The following TNNI1 variants were observed in gnomAD, a reference collection of about 807,000 sequenced individuals.
TNNI1 encodes the protein troponin I, slow skeletal muscle.
TNNI1 carries 14 observed loss-of-function variants against 26.7 expected under a neutral mutation model. The ratio of observed to expected loss-of-function variants is 0.52; its 90% CI spans 0.35 to 0.82. TNNI1 has a LOEUF of 0.82. Ranked by LOEUF, TNNI1 falls within the 40% of genes least tolerant of loss-of-function variation. The pLI, the probability that TNNI1 is intolerant of heterozygous loss-of-function variation, is 0.01. For synonymous variants in TNNI1, 79 were observed against 98.2 expected (o/e 0.80, Z 1.16); for missense variants, 164 against 257.0 (o/e 0.64, Z 2.47).
At chr1:201,413,417 A>C (rs1205955371) in intron 5 of TNNI1, among the ~76,000 whole-genome samples, 3 of 77,976 alleles carry the variant, frequency 3.8e-5, no homozygotes, top group Admixed American at 1.5e-4. Context: ...ACAGAGCGAG[A>C]CTCCGTCTCA....
rs1299074123 is a variant in TNNI1 at position 201,417,829 on chromosome 1, A to G, written c.-19-17T>C. The G allele has an allele frequency of 1.5e-6, 2 of 1,312,414 alleles. No homozygotes were observed. Among genetic ancestry groups the G allele is most frequent in the Non-Finnish European group, 2.0e-6 (2 of 1,021,506 alleles). 81.3% of individuals were successfully genotyped at this position (1,312,414 alleles called of 1,614,324 possible). ...AGACAGCACCTAGGGGGCACAGAGG[A>G]ATCATTCATAAGGGAAAGTGGAAAC... On this transcript the variant is annotated splice_polypyrimidine_tract_variant and intron_variant, in intron 1 of 8. Coordinates refer to ENST00000361379, the MANE Select transcript of TNNI1 (RefSeq NM_003281.4).
intron 4 of TNNI1, 61 bp from the exon 5 acceptor site, chr1:201,414,710 G>A: frequency 1.3e-6 from 2 of 1,588,658 alleles, no homozygotes; most frequent in South Asian, 1.2e-5. Flanking sequence ...ATCAGGGAAT[G>A]AGGGGAGGGC....
At chr1:201,421,292 G>T (rs1488797559) in intron 1 of TNNI1, among the ~76,000 whole-genome samples, 2 of 152,038 alleles carry the variant, frequency 1.3e-5, no homozygotes, top group Non-Finnish European at 2.9e-5. Flanking sequence ...ACTCACCCTG[G>T]CTCTCTGATC....
In TNNI1 at chr1:201,415,165, C is replaced by T. The variant is rs762805685; in HGVS notation, c.57+48G>A. 3.3e-6 allele frequency: 5 copies of T among 1,533,514 alleles called. No homozygotes were observed. The Admixed American group carries it at 8.4e-5, about 26-fold the overall frequency. The allele number at this position is 1,533,514 out of a possible 1,614,324, so 95.0% of individuals were successfully genotyped here. On this transcript the variant is annotated intron_variant, in intron 4 of 8. Coordinates refer to ENST00000361379, the MANE Select transcript of TNNI1 (RefSeq NM_003281.4). The stretch of plus-strand genomic sequence containing the variant: ...TCCCTTCAGAGTCTGCTCTGCTGCC[C>T]CTCTGCCTCCCACTGGGCATCCCCC...
intron 1 of TNNI1, among the ~76,000 whole-genome samples, chr1:201,420,898 C>T (rs561201246): frequency 1.3e-5 from 2 of 152,198 alleles, no homozygotes; most frequent in Non-Finnish European, 2.9e-5. Flanking sequence ...GACCGCCACA[C>T]GGCCCCCTGC....
intron 1 of TNNI1, among the ~76,000 whole-genome samples, chr1:201,419,437 G>A (rs112641431): frequency 1.6e-4 from 24 of 152,334 alleles, no homozygotes; most frequent in African/African-American, 4.3e-4. Flanking sequence ...GTGCAGGGGC[G>A]CACAGGAGCC....
chr1:201,420,057 G>A (rs896992736), intron 1 of TNNI1, among the ~76,000 whole-genome samples: 5 of 152,350 alleles, frequency 3.3e-5, no homozygotes, highest in Middle Eastern at 3.4e-3. Context: ...CCAGGTCTGC[G>A]TCTGTCTCCC....
chr1:201,420,323 C>T (rs922564608), intron 1 of TNNI1, among the ~76,000 whole-genome samples: 30 of 152,348 alleles, frequency 2.0e-4, no homozygotes, highest in African/African-American at 6.0e-4. Context: ...GGAAGACAAG[C>T]GAGGACTGAT....
rs1423979985 is a variant in TNNI1, at chr1:201,411,733, G to T, written c.280-200C>A. On this transcript the variant is annotated intron_variant, in intron 6 of 8. Transcript: ENST00000361379. The surrounding 1 kb of genome is among the most constrained non-coding windows in gnomAD (Gnocchi z 4.6). ...GAAGACACTTTTTCCACGGAGAGGT[G>T]GTGGGGTGGTTTCAGGATGAAACTG... 6.6e-6 allele frequency among the ~76,000 whole-genome samples: 1 copy of T among 152,186 alleles called. No homozygotes were observed. Among genetic ancestry groups the T allele is most frequent in the African/African-American group, 2.4e-5 (1 of 41,450 alleles).
Position 201,413,108 on chromosome 1 carries a change from T to C in TNNI1, c.203A>G (p.Glu68Gly), listed in dbSNP as rs771706605. 3 of 1,613,994 alleles carry C rather than the reference T, an allele frequency of 1.9e-6. No homozygotes were observed. The South Asian group carries it at 3.3e-5, about 18-fold the overall frequency. Reference sequence around the variant, plus strand: ...CACCACCTCCACCTTGGCGTGCAGCTCCCGGCACAGGTCCTGGGGGCCGCA... The same window carrying C: ...CACCACCTCCACCTTGGCGTGCAGCCCCCGGCACAGGTCCTGGGGGCCGCA... The part of the protein sequence containing the change: ...SLSALQDLCR[E>G]LHAKVEVVDE... Residue 68 changes from glutamate (E) to glycine (G), a missense_variant, in exon 6 of 9, where the codon GAG becomes GGG. Transcript: ENST00000361379.
rs534320998 is a variant in TNNI1 at position 201,409,071 on chromosome 1, C to A, written c.*182G>T. 1 of 152,122 alleles carries A rather than the reference C, an allele frequency of 6.6e-6. No individual in the cohort carries two copies. Among genetic ancestry groups the A allele is most frequent in the Non-Finnish European group, 1.5e-5 (1 of 68,040 alleles). The allele number at this position is 152,122 out of a possible 1,614,324, so 9.4% of individuals were successfully genotyped here. A position where few individuals can be genotyped will look rare whatever the true frequency, so the allele number is the denominator to read the frequency against. On this transcript the variant is annotated 3_prime_UTR_variant, in exon 9 of 9. Transcript: ENST00000361379. ...CCAGGGTGAGGTCTTCAGACACTCG[C>A]GTTTTTCCTGCCTCTTGGGTATCTG...
rs369682459 is a variant in TNNI1, at chr1:201,419,279, C to T, written c.-19-1467G>A. 2.5e-3 allele frequency among the ~76,000 whole-genome samples: 384 copies of T among 152,322 alleles called. 12 individuals carry two copies. The South Asian group carries it at 0.077, about 30-fold the overall frequency. Reference sequence around the variant, plus strand: ...TGGGGCCCAGGCCAAAGAGGGGGTCCGTGAGGCTGCAGAGGGAGATGTTCC... The same window carrying T: ...TGGGGCCCAGGCCAAAGAGGGGGTCTGTGAGGCTGCAGAGGGAGATGTTCC... On this transcript the variant is annotated intron_variant, in intron 1 of 8. Coordinates refer to ENST00000361379, the MANE Select transcript of TNNI1 (RefSeq NM_003281.4).
At chr1:201,412,719 G>A (rs1662653899) in intron 6 of TNNI1, among the ~76,000 whole-genome samples, 1 of 152,244 alleles carries the variant, frequency 6.6e-6, no homozygotes, top group African/African-American at 2.4e-5. Context: ...TAACGAACAT[G>A]AAAGCACTTC....
At chr1:201,410,481 G>A in intron 7 of TNNI1, 46 bp from the exon 8 acceptor site, 2 of 1,546,478 alleles carry the variant, frequency 1.3e-6, no homozygotes, top group Non-Finnish European at 1.8e-6. Context: ...AGGCTGGACG[G>A]CCCCCCAGCT....
At chr1:201,421,320 C>A (rs1282098371) in intron 1 of TNNI1, among the ~76,000 whole-genome samples, 1 of 152,092 alleles carries the variant, frequency 6.6e-6, no homozygotes, top group Non-Finnish European at 1.5e-5. Flanking sequence ...CACCCCTTCC[C>A]CTGGGTGCGC....
chr1:201,419,193 G>A (rs1009909498), intron 1 of TNNI1, among the ~76,000 whole-genome samples: 8 of 152,244 alleles, frequency 5.3e-5, no homozygotes, highest in Non-Finnish European at 7.3e-5. Context: ...GCAGCCCTCT[G>A]GTCTTCTGTG....
chr1:201,417,868 C>T (rs553156953), intron 1 of TNNI1, 56 bp from the exon 2 acceptor site: 2 of 1,275,500 alleles, frequency 1.6e-6, no homozygotes, highest in African/African-American at 3.0e-5. Context: ...TGCCCCTGCC[C>T]AGCTGGGCCT....
Position 201,417,798 on chromosome 1 carries a change from G to A in TNNI1, c.-5C>T. The A allele has an allele frequency of 7.6e-7, 1 of 1,313,332 alleles. No individual in the cohort carries two copies. The highest frequency in any genetic ancestry group is 9.8e-7 in the Non-Finnish European group (1 of 1,021,974). The allele number at this position is 1,313,332 out of a possible 1,614,324, so 81.4% of individuals were successfully genotyped here. A position where few individuals can be genotyped will look rare whatever the true frequency, so the allele number is the denominator to read the frequency against. On this transcript the variant is annotated 5_prime_UTR_variant, in exon 2 of 9. Transcript: ENST00000361379. ...GACTACTTACACTTCCGGCATGGTG[G>A]CAGTGAGACAGCACCTAGGGGGCAC...
rs1228478755 is a variant in TNNI1, at chr1:201,411,470, G to A, written c.343C>T (p.Arg115Ter). 19 of 1,613,232 alleles carry A rather than the reference G, an allele frequency of 1.2e-5. No individual in the cohort carries two copies. The highest frequency in any genetic ancestry group is 3.3e-5 in the Admixed American group (2 of 59,862). The part of the protein sequence containing the change: ...RGKFKRPPLR[R>*]VRVSADAMLR... Reference sequence around the variant, plus strand: ...ATGGCGTCAGCCGAGACACGGACTCGACGCAGGGGCGGGCGCTTGAACTTC... The same window carrying A: ...ATGGCGTCAGCCGAGACACGGACTCAACGCAGGGGCGGGCGCTTGAACTTC... The change falls in exon 7 of 9, where the codon CGA (arginine) becomes TGA (stop). Residue 115 changes from arginine to a stop codon, truncating the protein, a stop_gained. Coordinates refer to ENST00000361379, the MANE Select transcript of TNNI1 (RefSeq NM_003281.4). LOFTEE classifies it high-confidence loss of function. The surrounding 1 kb of genome is among the most constrained non-coding windows in gnomAD (Gnocchi z 4.6).
Sources: gnomAD v4.1 joint callset for allele counts (sites outside exome capture counted in the v4.1 genomes callset) on GRCh38, gnomAD v4.1.1 for gene constraint, Gnocchi (gnomAD v3.1) non-coding constraint, MANE v1.5 for transcripts, NCBI Gene and HGNC (gene_info 2026-07-23, HGNC 2026-07-21) for gene names.